The following CPNE8 variants were observed in gnomAD, a reference collection of about 807,000 sequenced individuals.
CPNE8 encodes the protein copine 8.
In CPNE8, 45 loss-of-function variants were observed where a neutral mutation model predicts 81.5. That is an observed-to-expected ratio of 0.55 (90% CI 0.44 to 0.71). The LOEUF (loss-of-function observed/expected upper bound fraction) is 0.71, where lower values mean the gene tolerates loss of function less well. Among genes scored for constraint, CPNE8 ranks in the 30% least tolerant of loss-of-function variants. CPNE8 has a pLI of 0.00. For missense variants in CPNE8, 594 were observed against 672.1 expected, an observed-to-expected ratio of 0.88 and a Z score of 1.28; for synonymous variants, 252 against 226.3, an observed-to-expected ratio of 1.11 and a Z score of -1.02.
At chr12:38,783,735 C>T (rs1172707483) in intron 6 of CPNE8, among the ~76,000 whole-genome samples, 1 of 152,142 alleles carries the variant, frequency 6.6e-6, no homozygotes, top group Non-Finnish European at 1.5e-5. Context: ...GCCAGGTAAT[C>T]CAAAGAACTC....
At chr12:38,895,956 C>T (rs1944382910) in intron 1 of CPNE8, among the ~76,000 whole-genome samples, 1 of 151,966 alleles carries the variant, frequency 6.6e-6, no homozygotes, top group Non-Finnish European at 1.5e-5. Flanking sequence ...CTCTCTAAAC[C>T]TCAATTTCTT....
At chr12:38,807,156 C>T (rs1045958506) in intron 6 of CPNE8, among the ~76,000 whole-genome samples, 5 of 151,606 alleles carry the variant, frequency 3.3e-5, no homozygotes, top group Non-Finnish European at 5.9e-5. Flanking sequence ...GAATCAATAT[C>T]GTGAAAATGG....
chr12:38,738,921 C>A (rs1318401829), intron 10 of CPNE8, among the ~76,000 whole-genome samples: 2 of 151,470 alleles, frequency 1.3e-5, no homozygotes, highest in Non-Finnish European at 2.9e-5. Context: ...ACAAGGGATC[C>A]TCCTGCCTCA....
intron 1 of CPNE8, among the ~76,000 whole-genome samples, chr12:38,886,297 A>G (rs982924254): frequency 6.6e-6 from 1 of 152,178 alleles, no homozygotes; most frequent in Non-Finnish European, 1.5e-5. Flanking sequence ...ATCTGTAAAA[A>G]AGGAGATGAT....
At chr12:38,670,582 C>T in intron 19 of CPNE8, 147 bp downstream of exon 19, 2 of 536,284 alleles carry the variant, frequency 3.7e-6, no homozygotes, top group Non-Finnish European at 6.4e-6. Flanking sequence ...GAGTATCTAC[C>T]AGATTAAAAT....
intron 5 of CPNE8, 41 bp from the exon 6 acceptor site, chr12:38,829,496 C>T: frequency 3.6e-6 from 5 of 1,377,570 alleles, no homozygotes; most frequent in Middle Eastern, 1.8e-4. Flanking sequence ...AGTTTCCAAA[C>T]TATCTTTACA....
At chr12:38,835,975 T>C (rs950970848) in intron 5 of CPNE8, among the ~76,000 whole-genome samples, 1 of 152,296 alleles carries the variant, frequency 6.6e-6, no homozygotes, top group African/African-American at 2.4e-5. Flanking sequence ...ACAGTTTCTA[T>C]GTTATCTGGT....
intron 3 of CPNE8, among the ~76,000 whole-genome samples, chr12:38,855,490 T>TA (rs768215613): frequency 1.3e-5 from 2 of 152,096 alleles, no homozygotes; most frequent in Non-Finnish European, 2.9e-5. Context: ...ATGCTACAGT[T>TA]ACCAACACAG....
At chr12:38,789,262 C>G (rs182627180) in intron 6 of CPNE8, among the ~76,000 whole-genome samples, 2 of 151,780 alleles carry the variant, frequency 1.3e-5, no homozygotes, top group African/African-American at 4.8e-5. Context: ...ACACATAGCC[C>G]AATGGAACAA....
chr12:38,736,870 C>G (rs1251854074), intron 10 of CPNE8, among the ~76,000 whole-genome samples: 1 of 151,956 alleles, frequency 6.6e-6, no homozygotes, highest in Non-Finnish European at 1.5e-5. Context: ...CCAGTTATGA[C>G]CTTGGATACT....
At chr12:38,679,010 A>G (rs928000762) in intron 16 of CPNE8, among the ~76,000 whole-genome samples, 12 of 151,862 alleles carry the variant, frequency 7.9e-5, no homozygotes, top group African/African-American at 2.9e-4. Context: ...AAGTCTAACA[A>G]TTTCCCCCAG....
At chr12:38,670,181 T>C (rs1053163540) in intron 19 of CPNE8, among the ~76,000 whole-genome samples, 9 of 152,198 alleles carry the variant, frequency 5.9e-5, no homozygotes, top group African/African-American at 2.2e-4. Flanking sequence ...TTAAAGTTCA[T>C]TGTTTGCTCC....
At chr12:38,726,017 G>C (rs1480574866) in intron 11 of CPNE8, among the ~76,000 whole-genome samples, 1 of 152,040 alleles carries the variant, frequency 6.6e-6, no homozygotes, top group African/African-American at 2.4e-5. Context: ...ATTCTTATAA[G>C]GAGCACACAG....
At chr12:38,668,559 TCTG>T (rs1374682494) in intron 19 of CPNE8, among the ~76,000 whole-genome samples, 2 of 152,202 alleles carry the variant, frequency 1.3e-5, no homozygotes, top group Non-Finnish European at 2.9e-5. Context: ...TGAGGTTGCC[TCTG>T]CTAACTTGGT....
At chr12:38,696,488 G>C (rs766037950) in intron 14 of CPNE8, among the ~76,000 whole-genome samples, 1 of 152,098 alleles carries the variant, frequency 6.6e-6, no homozygotes, top group Non-Finnish European at 1.5e-5. Flanking sequence ...TTTGTAGTAG[G>C]TTAATAACAT....
chr12:38,703,006 T>A, intron 13 of CPNE8, 85 bp from the exon 14 acceptor site: 2 of 935,742 alleles, frequency 2.1e-6, no homozygotes, highest in Non-Finnish European at 1.6e-6. Context: ...TATTTTTTAA[T>A]GTCACTGATT....
intron 6 of CPNE8, among the ~76,000 whole-genome samples, chr12:38,798,278 A>T (rs1488887715): frequency 1.3e-5 from 2 of 152,158 alleles, no homozygotes; most frequent in Non-Finnish European, 2.9e-5. Flanking sequence ...TGAAGGAAAA[A>T]ATGTTAAGGG....
intron 3 of CPNE8, among the ~76,000 whole-genome samples, chr12:38,865,986 T>C (rs1292633788): frequency 3.3e-5 from 5 of 152,240 alleles, no homozygotes; most frequent in African/African-American, 4.8e-5. Context: ...AATACTATTT[T>C]ACGTCCTTTT....
intron 3 of CPNE8, among the ~76,000 whole-genome samples, chr12:38,849,595 T>C (rs1312579238): frequency 1.3e-5 from 2 of 152,198 alleles, no homozygotes; most frequent in African/African-American, 4.8e-5. Context: ...TTTCTTAAAT[T>C]GTAATAATAA....
Sources: gnomAD v4.1 joint callset for allele counts (sites outside exome capture counted in the v4.1 genomes callset) on GRCh38, gnomAD v4.1.1 for gene constraint, MANE v1.5 for transcripts, NCBI Gene and HGNC (gene_info 2026-07-23, HGNC 2026-07-21) for gene names.